TBC1D23: variants seen among roughly 807,000 people sequenced by gnomAD.
TBC1D23 encodes HCV non-structural protein 4A-transactivated protein 1.
Under a neutral mutation model 91.4 loss-of-function variants are expected in TBC1D23, and 55 were observed. That is an observed-to-expected ratio of 0.60 (90% CI 0.48 to 0.75). The LOEUF (loss-of-function observed/expected upper bound fraction) is 0.75, where lower values mean the gene tolerates loss of function less well. Ranked by LOEUF, TBC1D23 falls within the 30% of genes least tolerant of loss-of-function variation. The probability of loss-of-function intolerance (pLI) is 0.00; values close to 1 mark genes in which losing one functional copy is unlikely to be tolerated. For synonymous variants in TBC1D23, 289 were observed against 281.0 expected (o/e 1.03, Z -0.28); for missense variants, 725 against 836.1 (o/e 0.87, Z 1.64).
chr3:100,292,411 CTG>C (rs912627954), intron 5 of TBC1D23, among the ~76,000 whole-genome samples: 23 of 152,204 alleles, frequency 1.5e-4, no homozygotes, highest in African/African-American at 4.6e-4. Flanking sequence ...AAGACAGCCT[CTG>C]AGCTTCAATT....
intron 7 of TBC1D23, among the ~76,000 whole-genome samples, chr3:100,295,678 C>T (rs2067832822): frequency 6.6e-6 from 1 of 152,102 alleles, no homozygotes; most frequent in African/African-American, 2.4e-5. Context: ...TATGATATTT[C>T]AATTGTGAAA....
chr3:100,289,989 A>T (rs776433098), intron 4 of TBC1D23, among the ~76,000 whole-genome samples: 6 of 152,204 alleles, frequency 3.9e-5, no homozygotes, highest in Non-Finnish European at 7.3e-5. Flanking sequence ...CAACATTCAG[A>T]TCCAATTTTT....
chr3:100,301,790 G>GA (rs1286622444), intron 10 of TBC1D23: 6 of 300,168 alleles, frequency 2.0e-5, no homozygotes, highest in Non-Finnish European at 3.0e-5. Flanking sequence ...TGTTATTTAA[G>GA]AAAAAACAAG....
chr3:100,290,685 C>G lies in TBC1D23; in HGVS notation c.584C>G (p.Ser195Cys), dbSNP rs1181599061. 1.2e-6 allele frequency: 2 copies of G among 1,609,440 alleles called. No homozygotes were observed. Among genetic ancestry groups the G allele is most frequent in the African/African-American group, 2.7e-5 (2 of 74,710 alleles). ...YLDTKKITPD[S>C]YALNWLGSLF... ...GATACAAAGAAAATTACTCCAGACT[C>G]CTATGCACTCAACTGGGTAATAAAG... Residue 195 changes from serine to cysteine, a missense_variant, in exon 5 of 19, where the codon TCC becomes TGC. Coordinates refer to ENST00000394144, the MANE Select transcript of TBC1D23 (RefSeq NM_001199198.3).
chr3:100,315,151 AT>A (rs1263492258), intron 15 of TBC1D23, among the ~76,000 whole-genome samples: 2 of 129,176 alleles, frequency 1.5e-5, no homozygotes, highest in Non-Finnish European at 3.2e-5. Flanking sequence ...AAAGAGGCAG[AT>A]TCTTTTTTTT....
intron 15 of TBC1D23, among the ~76,000 whole-genome samples, chr3:100,313,064 T>C (rs935385253): frequency 6.6e-6 from 1 of 151,918 alleles, no homozygotes; most frequent in African/African-American, 2.4e-5. Context: ...TAATAACTTA[T>C]CTTCTAAGAG....
chr3:100,312,341 A>G (rs1032563810), intron 15 of TBC1D23, among the ~76,000 whole-genome samples: 2 of 152,136 alleles, frequency 1.3e-5, no homozygotes, highest in African/African-American at 2.4e-5. Flanking sequence ...ATATTTTTAG[A>G]TTTTTCTTAA....
At chr3:100,283,947 GTTATT>G in intron 4 of TBC1D23, 136 bp downstream of exon 4, 1 of 547,758 alleles carries the variant, frequency 1.8e-6, no homozygotes, top group Non-Finnish European at 3.2e-6. Context: ...ATCCATAATT[GTTATT>G]TTATTTTTGT....
Position 100,313,656 on chromosome 3 carries a change from G to A in TBC1D23, c.1598+1779G>A, listed in dbSNP as rs200202700. On this transcript the variant is annotated intron_variant, in intron 15 of 18. Transcript: ENST00000394144. ...ATCTGGTTACAGCAAATGCTTATTC[G>A]CTGTAAACATTTATCTTTGTTACTT... Among the ~76,000 whole-genome samples, 11 of 152,040 alleles carry A rather than the reference G, an allele frequency of 7.2e-5. No individual in the cohort carries two copies. In the East Asian group the frequency reaches 1.5e-3, roughly 21 times the overall value.
intron 1 of TBC1D23, chr3:100,261,526 G>T (rs2067510676): frequency 6.3e-6 from 1 of 159,074 alleles, no homozygotes; most frequent in Admixed American, 6.5e-5. Context: ...GACCCGAGGA[G>T]AATCCCTCCC....
intron 1 of TBC1D23, among the ~76,000 whole-genome samples, chr3:100,270,770 TA>T (rs2067593509): frequency 6.6e-6 from 1 of 152,200 alleles, no homozygotes; most frequent in Non-Finnish European, 1.5e-5. Context: ...TTTGGGCTTT[TA>T]TTGATTTCCC....
chr3:100,310,171 G>A (rs769169325), intron 13 of TBC1D23, among the ~76,000 whole-genome samples: 2 of 152,104 alleles, frequency 1.3e-5, no homozygotes, highest in Non-Finnish European at 2.9e-5. Flanking sequence ...CTCTTATAAG[G>A]ACACCAGTCA....
At chr3:100,320,722 T>G in intron 17 of TBC1D23, 55 bp from the exon 18 acceptor site, 2 of 1,143,184 alleles carry the variant, frequency 1.7e-6, no homozygotes, top group Non-Finnish European at 2.4e-6. Flanking sequence ...AACACCTGTT[T>G]TGAATTAAAT....
At chr3:100,281,312 C>G (rs1178547133) in intron 2 of TBC1D23, among the ~76,000 whole-genome samples, 1 of 151,960 alleles carries the variant, frequency 6.6e-6, no homozygotes, top group African/African-American at 2.4e-5. Context: ...TTCTTTAAAT[C>G]AATACAGTTT....
At chr3:100,306,360 T>C in intron 12 of TBC1D23, 77 bp from the exon 13 acceptor site, 1 of 775,788 alleles carries the variant, frequency 1.3e-6, no homozygotes, top group African/African-American at 1.7e-5. Flanking sequence ...ACATGTTTAT[T>C]GTATTTCGTT....
In TBC1D23 at chr3:100,297,924, A is replaced by T. The variant is rs1447894325; in HGVS notation, c.878A>T (p.Asp293Val). The T allele has an allele frequency of 6.2e-7, 1 of 1,604,998 alleles. No individual in the cohort carries two copies. Among genetic ancestry groups the T allele is most frequent in the Admixed American group, 1.7e-5 (1 of 59,186 alleles). Residue 293 changes from aspartate (D) to valine (V), a missense_variant and splice_region_variant, in exon 9 of 19, where the codon GAT becomes GTT. By Grantham distance (152) the Asp-to-Val change is radical. Coordinates refer to ENST00000394144, the MANE Select transcript of TBC1D23 (RefSeq NM_001199198.3). ...GTTTAAAAATTTCCCTTCAAACAGG[A>T]TAATCACCATCTCTTTGGTAGTACT... Reference protein sequence around the residue: ...CSKTPASFRKDNHHLFGSTLL... With the variant: ...CSKTPASFRKVNHHLFGSTLL...
chr3:100,313,418 T>C (rs1705665976), intron 15 of TBC1D23, among the ~76,000 whole-genome samples: 1 of 152,186 alleles, frequency 6.6e-6, no homozygotes, highest in Non-Finnish European at 1.5e-5. Context: ...GTTTCTACTA[T>C]TACCATGGCA....
At chr3:100,293,047 C>T (rs1028722283) in intron 5 of TBC1D23, among the ~76,000 whole-genome samples, 3 of 152,192 alleles carry the variant, frequency 2.0e-5, no homozygotes, top group African/African-American at 4.8e-5. Flanking sequence ...GCTCTGAATT[C>T]GTGCTGATAG....
chr3:100,262,167 T>C (rs1251035432), intron 1 of TBC1D23, among the ~76,000 whole-genome samples: 1 of 152,130 alleles, frequency 6.6e-6, no homozygotes, highest in East Asian at 1.9e-4. Flanking sequence ...GTGATCTAGA[T>C]ATAGTTTTTT....
Sources: gnomAD v4.1 joint callset for allele counts (sites outside exome capture counted in the v4.1 genomes callset) on GRCh38, gnomAD v4.1.1 for gene constraint, MANE v1.5 for transcripts, NCBI Gene and HGNC (gene_info 2026-07-23, HGNC 2026-07-21) for gene names.